The following PTPRN2 variants were observed in gnomAD, a reference collection of about 807,000 sequenced individuals.
PTPRN2 encodes protein tyrosine phosphatase receptor type N2, also known as receptor-type tyrosine-protein phosphatase N2.
PTPRN2 carries 74 observed loss-of-function variants against 118.8 expected under a neutral mutation model. The observed-to-expected ratio is 0.62, with a 90% CI of 0.52 to 0.76. PTPRN2 has a LOEUF of 0.76. Among genes scored for constraint, PTPRN2 ranks in the 30% least tolerant of loss-of-function variants. The pLI is 0.00. For synonymous variants in PTPRN2, 641 were observed against 608.0 expected (o/e 1.05, Z -0.80); for missense variants, 1,481 against 1,394.4 (o/e 1.06, Z -0.99).
At chr7:157,547,602 G>T (rs1798386831) in intron 22 of PTPRN2, among the ~76,000 whole-genome samples, 1 of 151,992 alleles carries the variant, frequency 6.6e-6, no homozygotes, top group East Asian at 1.9e-4. Context: ...ATGCTGTTGT[G>T]AACAAGCAGA....
intron 3 of PTPRN2, among the ~76,000 whole-genome samples, chr7:158,307,277 A>C (rs575499538): frequency 1.6e-3 from 251 of 152,370 alleles, no homozygotes; most frequent in Middle Eastern, 0.01. Context: ...ATAAAAAGAT[A>C]GAAATTATAT....
intron 2 of PTPRN2, among the ~76,000 whole-genome samples, chr7:158,340,124 A>T (rs1806380989): frequency 2.7e-5 from 2 of 73,976 alleles, no homozygotes; most frequent in African/African-American, 9.6e-5. Context: ...ATAAGAGGTG[A>T]CACCTGGAGA....
At chr7:158,221,541 T>C (rs1319489521) in intron 3 of PTPRN2, among the ~76,000 whole-genome samples, 1 of 152,174 alleles carries the variant, frequency 6.6e-6, no homozygotes, top group Non-Finnish European at 1.5e-5. Context: ...AGAGGTTTAA[T>C]GGACCCACAG....
intron 22 of PTPRN2, among the ~76,000 whole-genome samples, chr7:157,545,357 A>G (rs1181149611): frequency 1.5e-5 from 2 of 132,994 alleles, no homozygotes; most frequent in Admixed American, 1.5e-4. Flanking sequence ...GGGTGTGTGC[A>G]TGGGGATGCG....
intron 3 of PTPRN2, among the ~76,000 whole-genome samples, chr7:158,304,445 A>C (rs1188432453): frequency 6.7e-6 from 1 of 148,404 alleles, no homozygotes; most frequent in Non-Finnish European, 1.5e-5. Context: ...GGGAGGCATA[A>C]GACACCCGTC....
intron 1 of PTPRN2, among the ~76,000 whole-genome samples, chr7:158,545,318 C>T (rs1826213877): frequency 1.3e-5 from 2 of 152,252 alleles, no homozygotes; most frequent in South Asian, 4.1e-4. Context: ...GAACGTCACA[C>T]ATGCAGGGAC....
intron 11 of PTPRN2, among the ~76,000 whole-genome samples, chr7:157,919,691 AG>A (rs534206030): frequency 1.4e-4 from 21 of 152,390 alleles, no homozygotes; most frequent in African/African-American, 4.8e-4. Flanking sequence ...ATTAATAATT[AG>A]GAGGACACAT....
chr7:157,552,058 C>A (rs1798658342), intron 21 of PTPRN2, among the ~76,000 whole-genome samples: 1 of 151,660 alleles, frequency 6.6e-6, no homozygotes, highest in Admixed American at 6.6e-5. Context: ...GACCACCACA[C>A]ACTCCACAGC....
At chr7:158,293,681 AAT>A (rs749680201) in intron 3 of PTPRN2, among the ~76,000 whole-genome samples, 4 of 152,190 alleles carry the variant, frequency 2.6e-5, no homozygotes, top group Admixed American at 6.5e-5. Context: ...GCAGTATAAA[AAT>A]AGTCTCTTTA....
intron 11 of PTPRN2, among the ~76,000 whole-genome samples, chr7:157,936,341 T>C (rs1375063230): frequency 6.6e-6 from 1 of 152,158 alleles, no homozygotes; most frequent in African/African-American, 2.4e-5. Context: ...CCCTGTCACG[T>C]TCACACGACA....
chr7:158,230,326 C>T (rs1563629994), intron 3 of PTPRN2, among the ~76,000 whole-genome samples: 2 of 152,076 alleles, frequency 1.3e-5, no homozygotes, highest in Admixed American at 6.5e-5. Context: ...TAAAACACAC[C>T]GGTAAAAGTA....
intron 10 of PTPRN2, among the ~76,000 whole-genome samples, chr7:158,100,244 GGTGTGTGTGTGT>G (rs3065708): frequency 2.7e-4 from 40 of 147,420 alleles, no homozygotes; most frequent in Middle Eastern, 3.4e-3. Flanking sequence ...TATTCCATGG[GGTGTGTGTGTGT>G]GTGTGTGTGT....
chr7:158,312,128 G>T (rs919805677), intron 3 of PTPRN2, among the ~76,000 whole-genome samples: 12 of 14,862 alleles, frequency 8.1e-4, no homozygotes, highest in Middle Eastern at 0.031. Flanking sequence ...GCAAACACAC[G>T]TGCTCACGTG....
At chr7:157,891,343 A>G (rs1563213531) in intron 12 of PTPRN2, among the ~76,000 whole-genome samples, 1 of 152,012 alleles carries the variant, frequency 6.6e-6, no homozygotes, top group African/African-American at 2.4e-5. Flanking sequence ...GGTTTCGAAC[A>G]CATCCGTCAC....
chr7:158,391,975 C>T (rs546053377), intron 2 of PTPRN2, among the ~76,000 whole-genome samples: 2 of 152,292 alleles, frequency 1.3e-5, no homozygotes, highest in East Asian at 1.9e-4. Context: ...CTCCACCAGG[C>T]CCCCAGGGTG....
intron 12 of PTPRN2, among the ~76,000 whole-genome samples, chr7:157,810,012 G>A (rs898148936): frequency 2.6e-5 from 4 of 152,206 alleles, no homozygotes; most frequent in Admixed American, 6.5e-5. Flanking sequence ...CCGCCAGGCC[G>A]GAGCTGGAAG....
chr7:158,152,559 G>A (rs995381692), intron 6 of PTPRN2, among the ~76,000 whole-genome samples: 1 of 152,172 alleles, frequency 6.6e-6, no homozygotes, highest in Non-Finnish European at 1.5e-5. Flanking sequence ...GAAGTGTGAA[G>A]GGAAGTGCTG....
chr7:158,249,100 AT>A (rs1796478416), intron 3 of PTPRN2, among the ~76,000 whole-genome samples: 1 of 151,474 alleles, frequency 6.6e-6, no homozygotes, highest in Non-Finnish European at 1.5e-5. Flanking sequence ...ATATGCACAC[AT>A]CACACACACA....
intron 18 of PTPRN2, among the ~76,000 whole-genome samples, chr7:157,577,268 C>T (rs1021157889): frequency 2.0e-5 from 3 of 152,278 alleles, no homozygotes; most frequent in Non-Finnish European, 4.4e-5. Context: ...TGAACCCCAG[C>T]GCAGGCACTT....
Sources: gnomAD v4.1 joint callset for allele counts (sites outside exome capture counted in the v4.1 genomes callset) on GRCh38, gnomAD v4.1.1 for gene constraint, MANE v1.5 for transcripts, NCBI Gene and HGNC (gene_info 2026-07-23, HGNC 2026-07-21) for gene names.